Variants in FRMD4A observed in about 807,000 individuals in gnomAD.
The protein encoded by FRMD4A is FERM domain-containing protein 4A.
A neutral mutation model predicts 129.1 loss-of-function variants in FRMD4A; 29 were observed. The observed-to-expected ratio is 0.22, with a 90% CI of 0.17 to 0.31. The LOEUF (loss-of-function observed/expected upper bound fraction) is 0.31, where lower values mean the gene tolerates loss of function less well. FRMD4A is among the 10% of genes least tolerant of loss of function. FRMD4A has a pLI of 1.00. For synonymous variants in FRMD4A, 634 were observed against 571.6 expected (o/e 1.11, Z -1.56); for missense variants, 1,272 against 1,375.8 (o/e 0.92, Z 1.19).
chr10:14,020,438 T>C (rs917584920), intron 2 of FRMD4A, among the ~76,000 whole-genome samples: 4 of 152,184 alleles, frequency 2.6e-5, no homozygotes, highest in Non-Finnish European at 4.4e-5. Flanking sequence ...CCATCAGCTA[T>C]AGAGGAAACC....
chr10:13,706,830 C>T (rs1163781225), intron 13 of FRMD4A, among the ~76,000 whole-genome samples: 1 of 151,534 alleles, frequency 6.6e-6, no homozygotes, highest in African/African-American at 2.4e-5. Flanking sequence ...TTGCTACTTA[C>T]ACACACGTGC....
At chr10:14,061,278 C>G (rs997776371) in intron 2 of FRMD4A, among the ~76,000 whole-genome samples, 22 of 149,736 alleles carry the variant, frequency 1.5e-4, no homozygotes, top group African/African-American at 5.2e-4. Flanking sequence ...GTTGATCAAC[C>G]CCGTCTCTAC....
intron 2 of FRMD4A, among the ~76,000 whole-genome samples, chr10:13,943,664 A>AG: frequency 6.7e-6 from 1 of 149,552 alleles, no homozygotes. Context: ...AAAAAAAAAA[A>AG]AAAAAAAAAA....
chr10:13,740,885 G>A (rs2090960403), intron 9 of FRMD4A, among the ~76,000 whole-genome samples: 1 of 135,594 alleles, frequency 7.4e-6, no homozygotes. Context: ...AGAGTGCAAT[G>A]GTGCGATCTT....
At chr10:13,949,455 G>GT (rs746091757) in intron 2 of FRMD4A, among the ~76,000 whole-genome samples, 10 of 152,168 alleles carry the variant, frequency 6.6e-5, no homozygotes, top group Non-Finnish European at 1.5e-4. Context: ...TTCAAGTTGA[G>GT]TTTTCTTTTA....
intron 2 of FRMD4A, among the ~76,000 whole-genome samples, chr10:13,914,363 T>C (rs969505367): frequency 2.0e-5 from 3 of 152,216 alleles, no homozygotes; most frequent in African/African-American, 4.8e-5. Flanking sequence ...AATATGCTGA[T>C]GATGAGTACT....
chr10:13,847,352 C>G (rs1329320414), intron 3 of FRMD4A, among the ~76,000 whole-genome samples: 1 of 152,208 alleles, frequency 6.6e-6, no homozygotes, highest in Non-Finnish European at 1.5e-5. Flanking sequence ...AACAGAGATT[C>G]AAGGGCGATA....
chr10:13,709,427 C>T (rs1230792809), intron 12 of FRMD4A, among the ~76,000 whole-genome samples: 1 of 152,162 alleles, frequency 6.6e-6, no homozygotes, highest in Admixed American at 6.5e-5. Context: ...CTATGAATCC[C>T]AAATGCTCTT....
At chr10:14,167,335 C>T (rs1305527028) in intron 2 of FRMD4A, among the ~76,000 whole-genome samples, 1 of 151,784 alleles carries the variant, frequency 6.6e-6, no homozygotes, top group Non-Finnish European at 1.5e-5. Context: ...AGATCAAGAC[C>T]AGCCTGGCCA....
chr10:13,903,746 GGT>G (rs1340260542), intron 2 of FRMD4A, among the ~76,000 whole-genome samples: 1 of 151,998 alleles, frequency 6.6e-6, no homozygotes, highest in Non-Finnish European at 1.5e-5. Flanking sequence ...AGGGCGTGGT[GGT>G]GACATGTGCC....
intron 2 of FRMD4A, among the ~76,000 whole-genome samples, chr10:14,053,535 A>G (rs1021030948): frequency 1.3e-5 from 2 of 152,074 alleles, no homozygotes; most frequent in East Asian, 1.9e-4. Flanking sequence ...CTTCCAATAC[A>G]CCTTGCCCAT....
At chr10:13,849,308 C>A (rs774650762) in intron 3 of FRMD4A, among the ~76,000 whole-genome samples, 1 of 152,184 alleles carries the variant, frequency 6.6e-6, no homozygotes, top group South Asian at 2.1e-4. Flanking sequence ...CAGACAGGAG[C>A]AGATGGCAGA....
At chr10:14,152,754 C>T (rs934103877) in intron 2 of FRMD4A, among the ~76,000 whole-genome samples, 8 of 151,968 alleles carry the variant, frequency 5.3e-5, no homozygotes, top group African/African-American at 1.7e-4. Flanking sequence ...GAGGGAGGAT[C>T]GCTTGAGCCT....
intron 2 of FRMD4A, among the ~76,000 whole-genome samples, chr10:14,096,327 A>C (rs1836959199): frequency 6.6e-6 from 1 of 152,082 alleles, no homozygotes. Flanking sequence ...CAGCCTCCAA[A>C]ACTGTGAGCG....
intron 2 of FRMD4A, among the ~76,000 whole-genome samples, chr10:14,135,029 T>C (rs1417109689): frequency 6.6e-6 from 1 of 152,228 alleles, no homozygotes; most frequent in African/African-American, 2.4e-5. Context: ...AGGTTGCACA[T>C]GTAACCTACA....
At chr10:13,776,116 T>A (rs76362120) in intron 6 of FRMD4A, among the ~76,000 whole-genome samples, 1 of 152,162 alleles carries the variant, frequency 6.6e-6, no homozygotes. Flanking sequence ...ATTTTTTTTT[T>A]CTTTGTGACA....
intron 2 of FRMD4A, among the ~76,000 whole-genome samples, chr10:14,039,375 C>CT (rs1565204315): frequency 3.0e-4 from 35 of 115,900 alleles, no homozygotes; most frequent in African/African-American, 5.8e-4. Context: ...TCCGTCCATC[C>CT]ATCCATCCAT....
chr10:14,183,065 G>A (rs1673119398), intron 2 of FRMD4A, among the ~76,000 whole-genome samples: 1 of 152,178 alleles, frequency 6.6e-6, no homozygotes, highest in South Asian at 2.1e-4. Context: ...ACTGACCCAT[G>A]CTGAAAAAGC....
At chr10:13,962,391 C>A (rs1030056856) in intron 2 of FRMD4A, among the ~76,000 whole-genome samples, 1 of 152,146 alleles carries the variant, frequency 6.6e-6, no homozygotes, top group Non-Finnish European at 1.5e-5. Flanking sequence ...ATACTCTGAA[C>A]ATTTCAAAAA....
Sources: gnomAD v4.1 joint callset for allele counts (sites outside exome capture counted in the v4.1 genomes callset) on GRCh38, gnomAD v4.1.1 for gene constraint, MANE v1.5 for transcripts, NCBI Gene and HGNC (gene_info 2026-07-23, HGNC 2026-07-21) for gene names.